The following GPR158 variants were observed in gnomAD, a reference collection of about 807,000 sequenced individuals.
GPR158 encodes the protein metabotropic glycine receptor.
Under a neutral mutation model 78.2 loss-of-function variants are expected in GPR158, and 30 were observed. That is an observed-to-expected ratio of 0.38 (90% CI 0.29 to 0.52). The LOEUF is 0.52. GPR158 is among the 20% of genes least tolerant of loss of function. The pLI is 0.83. For synonymous variants in GPR158, 581 were observed against 591.1 expected (o/e 0.98, Z 0.25); for missense variants, 1,463 against 1,523.5 (o/e 0.96, Z 0.66).
Position 25,375,186 on chromosome 10 carries a change from T to G in GPR158, c.1009-20725T>G, listed in dbSNP as rs533157493. On this transcript the variant is annotated intron_variant, in intron 2 of 10. Transcript: ENST00000376351. ...GTACTTATTTTTCATAAGTATATCC[T>G]CTTTGTGAATGTTTATGTCCTTTGC... Among the ~76,000 whole-genome samples, 14 of 151,814 alleles carry G rather than the reference T, an allele frequency of 9.2e-5. No homozygotes were observed. In the South Asian group the frequency reaches 2.7e-3, roughly 29 times the overall value.
intron 2 of GPR158, among the ~76,000 whole-genome samples, chr10:25,376,180 GTAT>G (rs1228586489): frequency 6.6e-6 from 1 of 151,470 alleles, no homozygotes; most frequent in Non-Finnish European, 1.5e-5. Flanking sequence ...ATTATAAATG[GTAT>G]TGTGATTTTC....
chr10:25,427,083 T>G (rs1000767180), intron 4 of GPR158, among the ~76,000 whole-genome samples: 1 of 152,116 alleles, frequency 6.6e-6, no homozygotes, highest in Non-Finnish European at 1.5e-5. Flanking sequence ...TGTCCTTATC[T>G]TTTCCTATAT....
At chr10:25,586,616 G>A (rs1037170643) in intron 7 of GPR158, among the ~76,000 whole-genome samples, 1 of 151,896 alleles carries the variant, frequency 6.6e-6, no homozygotes, top group Non-Finnish European at 1.5e-5. Context: ...TTTCACCAAT[G>A]TTAGCCAGGC....
At chr10:25,223,768 A>G (rs1853334412) in intron 2 of GPR158, among the ~76,000 whole-genome samples, 1 of 152,138 alleles carries the variant, frequency 6.6e-6, no homozygotes, top group Non-Finnish European at 1.5e-5. Flanking sequence ...TCCTGTCTTT[A>G]TGAATGTCCA....
At chr10:25,530,010 C>G (rs1024688044) in intron 5 of GPR158, among the ~76,000 whole-genome samples, 5 of 152,130 alleles carry the variant, frequency 3.3e-5, no homozygotes, top group Non-Finnish European at 7.3e-5. Context: ...TAGTTTGTCA[C>G]CACTGAAAAT....
At chr10:25,268,091 G>T (rs543574079) in intron 2 of GPR158, among the ~76,000 whole-genome samples, 19 of 152,236 alleles carry the variant, frequency 1.2e-4, no homozygotes, top group Admixed American at 5.9e-4. Context: ...TGCATGCAAA[G>T]TGTGTCCTGT....
intron 4 of GPR158, among the ~76,000 whole-genome samples, chr10:25,431,351 A>C (rs1159954117): frequency 6.7e-6 from 1 of 149,134 alleles, no homozygotes; most frequent in African/African-American, 2.5e-5. Flanking sequence ...TTAAAAAGTC[A>C]GGAAACAGCA....
intron 2 of GPR158, among the ~76,000 whole-genome samples, chr10:25,282,804 C>T (rs969047115): frequency 1.3e-5 from 2 of 152,018 alleles, no homozygotes; most frequent in African/African-American, 2.4e-5. Context: ...AGTGTGTGTG[C>T]TCATTTTTCA....
chr10:25,305,971 T>G, intron 2 of GPR158, among the ~76,000 whole-genome samples: 2 of 152,326 alleles, frequency 1.3e-5, no homozygotes, highest in South Asian at 4.1e-4. Context: ...TAATGATTCA[T>G]GTATTTTCAT....
At chr10:25,277,878 C>G (rs143463462) in intron 2 of GPR158, among the ~76,000 whole-genome samples, 116 of 152,288 alleles carry the variant, frequency 7.6e-4, no homozygotes, top group African/African-American at 2.8e-3. Context: ...GACCTCAGGC[C>G]TCCCCTCATC....
chr10:25,522,032 G>A (rs1359805463), intron 5 of GPR158, among the ~76,000 whole-genome samples: 1 of 152,196 alleles, frequency 6.6e-6, no homozygotes, highest in African/African-American at 2.4e-5. Flanking sequence ...ACAGAGGCCA[G>A]TTTAATAACC....
At chr10:25,595,272 A>T (rs1837385169) in intron 9 of GPR158, among the ~76,000 whole-genome samples, 1 of 152,204 alleles carries the variant, frequency 6.6e-6, no homozygotes, top group Non-Finnish European at 1.5e-5. Context: ...ACAGAACAAG[A>T]TACCTATTTT....
intron 2 of GPR158, among the ~76,000 whole-genome samples, chr10:25,234,855 T>G (rs1315883407): frequency 6.6e-6 from 1 of 152,260 alleles, no homozygotes; most frequent in East Asian, 1.9e-4. Flanking sequence ...TAGCAGATTG[T>G]GAATTCAGTA....
chr10:25,435,898 G>A (rs1834991455), intron 4 of GPR158, among the ~76,000 whole-genome samples: 1 of 152,142 alleles, frequency 6.6e-6, no homozygotes, highest in Admixed American at 6.5e-5. Flanking sequence ...TACATTTTTG[G>A]AGATAGAATT....
At position 25,598,484 on chromosome 10, in the gene GPR158, C is replaced by T. The variant is rs756016888; in HGVS notation, c.2858C>T (p.Thr953Ile). Residue 953 changes from threonine to isoleucine, a missense_variant, in exon 11 of 11, where the codon ACT becomes ATT. By Grantham distance (89) the Thr-to-Ile change is moderately conservative. Transcript: ENST00000376351. The part of the protein sequence containing the change: ...RNHSNSDNTE[T>I]KDPAPQNSNP... ...CACTCAAATTCTGATAACACAGAGA[C>T]TAAAGATCCTGCCCCCCAAAACTCA... The T allele has an allele frequency of 4.3e-6, 7 of 1,614,062 alleles. No individual in the cohort carries two copies. Among genetic ancestry groups the T allele is most frequent in the Non-Finnish European group, 5.9e-6 (7 of 1,180,000 alleles).
chr10:25,272,181 A>G (rs2130743986), intron 2 of GPR158, among the ~76,000 whole-genome samples: 2 of 152,328 alleles, frequency 1.3e-5, no homozygotes, highest in South Asian at 4.1e-4. Flanking sequence ...CAATGGTATT[A>G]ATGTAATTCA....
At chr10:25,522,982 G>GAGCTGAGCTGAACTGGAGA (rs1218662482) in intron 5 of GPR158, among the ~76,000 whole-genome samples, 2 of 152,124 alleles carry the variant, frequency 1.3e-5, no homozygotes, top group Non-Finnish European at 1.5e-5. Context: ...GTACTTTCAA[G>GAGCTGAGCTGAACTGGAGA]AGCTGAGCTG....
chr10:25,469,446 A>G (rs1288776239), intron 5 of GPR158, among the ~76,000 whole-genome samples: 1 of 152,152 alleles, frequency 6.6e-6, no homozygotes, highest in Non-Finnish European at 1.5e-5. Context: ...CCTAGGACTC[A>G]TTATTGATAC....
chr10:25,473,336 G>T (rs1272618653), intron 5 of GPR158, among the ~76,000 whole-genome samples: 3 of 152,130 alleles, frequency 2.0e-5, no homozygotes, highest in African/African-American at 7.2e-5. Context: ...GCTTTTTGAT[G>T]TGCTGCTGGA....
Sources: gnomAD v4.1 joint callset for allele counts (sites outside exome capture counted in the v4.1 genomes callset) on GRCh38, gnomAD v4.1.1 for gene constraint, MANE v1.5 for transcripts, NCBI Gene and HGNC (gene_info 2026-07-23, HGNC 2026-07-21) for gene names.